Variants in VAV1 observed in about 807,000 individuals in gnomAD.
VAV1 encodes vav guanine nucleotide exchange factor 1.
Under a neutral mutation model 128.1 loss-of-function variants are expected in VAV1, and 33 were observed. That is an observed-to-expected ratio of 0.26 (90% CI 0.20 to 0.34). VAV1 has a LOEUF of 0.34. Among genes scored for constraint, VAV1 ranks in the 10% least tolerant of loss-of-function variants. The probability of loss-of-function intolerance (pLI) is 1.00; values close to 1 mark genes in which losing one functional copy is unlikely to be tolerated. For missense variants in VAV1, 715 were observed against 1,093.7 expected, an observed-to-expected ratio of 0.65 and a Z score of 4.88; for synonymous variants, 394 against 409.8, an observed-to-expected ratio of 0.96 and a Z score of 0.47.
At chr19:6,819,814 C>G (rs146255618) in intron 1 of VAV1, among the ~76,000 whole-genome samples, 57 of 152,308 alleles carry the variant, frequency 3.7e-4, no homozygotes, top group Middle Eastern at 3.4e-3. Flanking sequence ...AGTGCTGAAC[C>G]TGTTGGGACG....
intron 23 of VAV1, among the ~76,000 whole-genome samples, chr19:6,848,666 G>C (rs537632726): frequency 3.3e-5 from 5 of 152,080 alleles, no homozygotes; most frequent in Non-Finnish European, 7.4e-5. Flanking sequence ...GCCTCCCAAA[G>C]TGTTGGGATT....
chr19:6,814,958 T>G (rs1201774368), intron 1 of VAV1, among the ~76,000 whole-genome samples: 2 of 151,792 alleles, frequency 1.3e-5, no homozygotes, highest in African/African-American at 4.8e-5. Flanking sequence ...TTTTTCCCCC[T>G]CTTTCTTTTG....
At chr19:6,792,929 C>T (rs554557413) in intron 1 of VAV1, among the ~76,000 whole-genome samples, 3 of 152,096 alleles carry the variant, frequency 2.0e-5, no homozygotes, top group South Asian at 2.1e-4. Flanking sequence ...ATGTCAACAG[C>T]GCTGAGACCG....
At chr19:6,774,452 T>TA (rs1385249649) in intron 1 of VAV1, among the ~76,000 whole-genome samples, 17 of 118,360 alleles carry the variant, frequency 1.4e-4, no homozygotes, top group African/African-American at 5.8e-4. Context: ...TTTTTTTTTT[T>TA]AAAGACAGGG....
Position 6,822,918 on chromosome 19 carries a change from T to C in VAV1, c.654+404T>C, listed in dbSNP as rs563267869. The stretch of plus-strand genomic sequence containing the variant: ...AACATGATATATGATATTTATAAGA[T>C]ATAAAATATATAGTTTTTCATATAG... On this transcript the variant is annotated intron_variant, in intron 6 of 26. Transcript: ENST00000602142. This position sits in a 1 kb window ranked among gnomAD's most constrained non-coding sequence, Gnocchi z 5.9. 2.2e-3 allele frequency among the ~76,000 whole-genome samples: 322 copies of C among 147,344 alleles called. 1 individual carries two copies. The highest frequency in any genetic ancestry group is 7.3e-3 in the African/African-American group (297 of 40,772).
chr19:6,810,473 G>C (rs3095927), intron 1 of VAV1, among the ~76,000 whole-genome samples: 12,855 of 152,226 alleles, frequency 0.084, 589 homozygotes, highest in Non-Finnish European at 0.11. Context: ...AGAGGCAGAG[G>C]TGGGTGGATC....
chr19:6,836,361 T>C, intron 19 of VAV1, 71 bp from the exon 20 acceptor site: 2 of 1,549,294 alleles, frequency 1.3e-6, no homozygotes, highest in Non-Finnish European at 1.7e-6. Flanking sequence ...TTAGCCATTC[T>C]CGTGGGTGGC....
chr19:6,812,894 A>C (rs58787852), intron 1 of VAV1, among the ~76,000 whole-genome samples: 5,088 of 152,196 alleles, frequency 0.033, 232 homozygotes, highest in South Asian at 0.11. Flanking sequence ...GGTGATGATG[A>C]TATTACTATC....
chr19:6,804,491 A>T (rs1971343549), intron 1 of VAV1, among the ~76,000 whole-genome samples: 2 of 151,796 alleles, frequency 1.3e-5, no homozygotes, highest in Admixed American at 1.3e-4. Flanking sequence ...ATCTCAGCTC[A>T]TTGCAACCTC....
chr19:6,832,589 C>T (rs1043043750), intron 15 of VAV1, among the ~76,000 whole-genome samples: 1 of 131,728 alleles, frequency 7.6e-6, no homozygotes, highest in African/African-American at 3.3e-5. Context: ...TCCTCGCCCT[C>T]CTCTTCCTCT....
intron 22 of VAV1, among the ~76,000 whole-genome samples, chr19:6,847,240 C>T (rs984582054): frequency 2.6e-5 from 4 of 152,082 alleles, no homozygotes; most frequent in Non-Finnish European, 4.4e-5. Flanking sequence ...TGCAATACTG[C>T]GCCGCCATCA....
intron 1 of VAV1, among the ~76,000 whole-genome samples, chr19:6,785,354 C>G (rs1441832921): frequency 6.6e-6 from 1 of 151,904 alleles, no homozygotes; most frequent in Non-Finnish European, 1.5e-5. Flanking sequence ...TTTGTTTTAA[C>G]GGGGTCTCTG....
chr19:6,855,401 T>TATCC (rs921243999), intron 26 of VAV1, among the ~76,000 whole-genome samples: 6 of 151,658 alleles, frequency 4.0e-5, no homozygotes, highest in Non-Finnish European at 7.4e-5. Context: ...TCCATCCATC[T>TATCC]ATCCATCCAT....
At chr19:6,823,014 A>G (rs1473099156) in intron 6 of VAV1, among the ~76,000 whole-genome samples, 1 of 147,988 alleles carries the variant, frequency 6.8e-6, no homozygotes, top group Non-Finnish European at 1.5e-5. Flanking sequence ...TGATATAGGT[A>G]TATATCTTTT....
At chr19:6,843,837 A>G (rs1259002030) in intron 22 of VAV1, among the ~76,000 whole-genome samples, 1 of 151,672 alleles carries the variant, frequency 6.6e-6, no homozygotes, top group Non-Finnish European at 1.5e-5. Context: ...ACATTTGAAC[A>G]TCTCTGACAT....
Position 6,825,131 on chromosome 19 carries a change from C to A in VAV1, c.723+10C>A, listed in dbSNP as rs530225752. On this transcript the variant is annotated intron_variant, in intron 7 of 26. Transcript: ENST00000602142. ...CTTTATCAACATTGAGGTGAGCCGGCCGATCCCCAGCCCTCTTGGGTCTGT... is the reference window on the plus strand; with the variant it reads ...CTTTATCAACATTGAGGTGAGCCGGACGATCCCCAGCCCTCTTGGGTCTGT... The A allele has an allele frequency of 9.3e-6, 15 of 1,610,232 alleles. No individual in the cohort carries two copies. Among genetic ancestry groups the A allele is most frequent in the Middle Eastern group, 2.2e-4 (1 of 4,580 alleles).
intron 1 of VAV1, among the ~76,000 whole-genome samples, chr19:6,798,946 G>A (rs1201495542): frequency 2.7e-5 from 3 of 110,862 alleles, no homozygotes; most frequent in East Asian, 2.9e-4. Flanking sequence ...TCATTCCCTC[G>A]TACCTCCTGA....
At chr19:6,805,814 A>G (rs762912510) in intron 1 of VAV1, among the ~76,000 whole-genome samples, 10 of 152,004 alleles carry the variant, frequency 6.6e-5, no homozygotes. Context: ...TTATATGAAT[A>G]AAAAAGAAAC....
At chr19:6,775,017 C>T (rs752719107) in intron 1 of VAV1, among the ~76,000 whole-genome samples, 4 of 151,806 alleles carry the variant, frequency 2.6e-5, no homozygotes, top group South Asian at 2.1e-4. Flanking sequence ...CTGACCACCT[C>T]GGCCTCTCGA....
Sources: gnomAD v4.1 joint callset for allele counts (sites outside exome capture counted in the v4.1 genomes callset) on GRCh38, gnomAD v4.1.1 for gene constraint, Gnocchi (gnomAD v3.1) non-coding constraint, MANE v1.5 for transcripts, NCBI Gene and HGNC (gene_info 2026-07-23, HGNC 2026-07-21) for gene names.